The following SPATA20 variants were observed in gnomAD, a reference collection of about 807,000 sequenced individuals.
SPATA20 encodes the protein spermatogenesis-associated protein 20.
A neutral mutation model predicts 98.9 loss-of-function variants in SPATA20; 74 were observed. The observed-to-expected ratio is 0.75, with a 90% CI of 0.62 to 0.91. The LOEUF (loss-of-function observed/expected upper bound fraction) is 0.91, where lower values mean the gene tolerates loss of function less well. Among genes scored for constraint, SPATA20 ranks in the 40% least tolerant of loss-of-function variants. The pLI, the probability that SPATA20 is intolerant of heterozygous loss-of-function variation, is 0.00. For synonymous variants in SPATA20, 430 were observed against 440.5 expected (o/e 0.98, Z 0.30); for missense variants, 1,016 against 1,069.8 (o/e 0.95, Z 0.70).
At chr17:50,549,525 C>T in intron 7 of SPATA20, 38 bp downstream of exon 7, 1 of 1,582,836 alleles carries the variant, frequency 6.3e-7, no homozygotes. Context: ...AGGCTTTGGC[C>T]TTCTGATTCC....
In SPATA20 at chr17:50,550,078, T is replaced by C. The variant is rs143392006; in HGVS notation, c.956T>C (p.Met319Thr). 5.0e-6 allele frequency: 8 copies of C among 1,611,756 alleles called. No homozygotes were observed. The African/African-American group carries it at 1.1e-4, about 22-fold the overall frequency. Residue 319 changes from methionine (M) to threonine (T), a missense_variant, in exon 8 of 17, where the codon ATG becomes ACG. By Grantham distance (81) the Met-to-Thr change is moderately conservative (BLOSUM62 -1). Coordinates refer to ENST00000006658, the MANE Select transcript of SPATA20 (RefSeq NM_022827.4). ...CAGATGGCCTTGCATACCCTGAAAA[T>C]GATGGCTAACGGGGGCATCCGGGAC... ...AQQMALHTLK[M>T]MANGGIRDHV...
chr17:50,551,534 G>T lies in SPATA20; in HGVS notation c.1600G>T (p.Val534Leu). 1 of 1,597,832 alleles carries T rather than the reference G, an allele frequency of 6.3e-7. No homozygotes were observed. Among genetic ancestry groups the T allele is most frequent in the Non-Finnish European group, 8.6e-7 (1 of 1,166,414 alleles). The change falls in exon 13 of 17, where the codon GTG becomes TTG. Residue 534 changes from valine (V) to leucine (L), a missense_variant. By Grantham distance (32) the Val-to-Leu change is conservative. Transcript: ENST00000006658. ...AGGCTTGATGGTGTCAGGCTATGCT[G>T]TGACTGGGGCTGTCCTGGGCCAAGA... Reference protein sequence around the residue: ...WNGLMVSGYAVTGAVLGQDRL... With the variant: ...WNGLMVSGYALTGAVLGQDRL...
Position 50,552,195 on chromosome 17 carries a change from A to G in SPATA20, c.1957+15A>G. 10 of 1,611,782 alleles carry G rather than the reference A, an allele frequency of 6.2e-6. No homozygotes were observed. The highest frequency in any genetic ancestry group is 8.5e-6 in the Non-Finnish European group (10 of 1,178,902). On this transcript the variant is annotated intron_variant, in intron 14 of 16. Transcript: ENST00000006658. The stretch of plus-strand genomic sequence containing the variant: ...TCTGAAGGACGGTCAGTGGGGGTGC[A>G]GGGCTAGTCTGGGGTCCTGGGAGGT...
Position 50,555,490 on chromosome 17 carries a change from A to G in SPATA20, c.2239-2A>G. ...ACTCTCCCTGCTCTGCTGCTGCCCT[A>G]GGTGCTGATTCTGGCTGATGGGGAC... On this transcript the variant is annotated splice_acceptor_variant, in intron 16 of 16. Transcript: ENST00000006658. LOFTEE classifies it high-confidence loss of function. 6.2e-7 allele frequency: 1 copy of G among 1,613,810 alleles called. No individual in the cohort carries two copies. Among genetic ancestry groups the G allele is most frequent in the African/African-American group, 1.3e-5 (1 of 74,976 alleles).
intron 14 of SPATA20, among the ~76,000 whole-genome samples, chr17:50,553,065 G>A (rs762461036): frequency 9.2e-5 from 14 of 152,206 alleles, no homozygotes; most frequent in Non-Finnish European, 1.6e-4. Flanking sequence ...AAAAACACAT[G>A]CACAAATGTG....
rs375707140 is a variant in SPATA20 at position 50,551,698 on chromosome 17, C to A, written c.1745+19C>A. 1 of 1,578,966 alleles carries A rather than the reference C, an allele frequency of 6.3e-7. No homozygotes were observed. The highest frequency in any genetic ancestry group is 8.7e-7 in the Non-Finnish European group (1 of 1,154,260). The stretch of plus-strand genomic sequence containing the variant: ...AGCACAGGTTGGGGGCTGGGTAGAC[C>A]GGGAGGGCCCGTCTCCCCAACGCGT... On this transcript the variant is annotated intron_variant, in intron 13 of 16. Coordinates refer to ENST00000006658, the MANE Select transcript of SPATA20 (RefSeq NM_022827.4).
chr17:50,555,745 C>T lies in SPATA20; in HGVS notation c.*83C>T. On this transcript the variant is annotated 3_prime_UTR_variant, in exon 17 of 17. Coordinates refer to ENST00000006658, the MANE Select transcript of SPATA20 (RefSeq NM_022827.4). The stretch of plus-strand genomic sequence containing the variant: ...TCAGGCCCTGCAGGGCCCTATAGAA[C>T]CTGTGGCCATCCCTGAGCACCCTGC... 1 of 1,311,336 alleles carries T rather than the reference C, an allele frequency of 7.6e-7. No homozygotes were observed. The highest frequency in any genetic ancestry group is 1.0e-6 in the Non-Finnish European group (1 of 957,642). The allele number at this position is 1,311,336 out of a possible 1,614,324, so 81.2% of individuals were successfully genotyped here. A position where few individuals can be genotyped will look rare whatever the true frequency, so the allele number is the denominator to read the frequency against.
In SPATA20 at chr17:50,548,663, G is replaced by A. The variant is rs745513140; in HGVS notation, c.361+45G>A. On this transcript the variant is annotated intron_variant, in intron 4 of 16. Transcript: ENST00000006658. ...TGATGTGGGGGTGTGGGCAGGGAGTGGCAGTGGATGGGGGAGGGTCCTCTC... is the reference window on the plus strand; with the variant it reads ...TGATGTGGGGGTGTGGGCAGGGAGTAGCAGTGGATGGGGGAGGGTCCTCTC... 2.5e-6 allele frequency: 4 copies of A among 1,602,878 alleles called. No homozygotes were observed. In the South Asian group the frequency reaches 4.4e-5, roughly 18 times the overall value.
chr17:50,550,584 T>C lies in SPATA20; in HGVS notation c.1147T>C (p.Tyr383His). ...YSDVAKGILQ[Y>H]VARSLSHRSG... ...TGACGTGGCCAAAGGCATCCTGCAG[T>C]ACGTGGCTCGGAGCCTGAGCCACCG... The change falls in exon 10 of 17, where the codon TAC becomes CAC. Residue 383 changes from tyrosine (Y) to histidine (H), a missense_variant. Coordinates refer to ENST00000006658, the MANE Select transcript of SPATA20 (RefSeq NM_022827.4). The C allele has an allele frequency of 6.2e-7, 1 of 1,614,170 alleles. No individual in the cohort carries two copies. Among genetic ancestry groups the C allele is most frequent in the Non-Finnish European group, 8.5e-7 (1 of 1,180,036 alleles).
intron 15 of SPATA20, 88 bp downstream of exon 15, chr17:50,554,538 T>G (rs2035068009): frequency 1.4e-6 from 2 of 1,380,372 alleles, no homozygotes; most frequent in African/African-American, 2.8e-5. Context: ...GTGGGGTTCC[T>G]GGGCTGTCCC....
intron 9 of SPATA20, 34 bp downstream of exon 9, chr17:50,550,346 C>A (rs372412098): frequency 1.3e-6 from 2 of 1,510,188 alleles, no homozygotes; most frequent in Non-Finnish European, 1.8e-6. Context: ...GAACAGGCAT[C>A]TCACTCTGGC....
In SPATA20 at chr17:50,552,068, G is replaced by C; in HGVS notation, c.1845G>C (p.Trp615Cys). The C allele has an allele frequency of 6.2e-7, 1 of 1,613,940 alleles. No individual in the cohort carries two copies. Among genetic ancestry groups the C allele is most frequent in the Non-Finnish European group, 8.5e-7 (1 of 1,179,998 alleles). ...EASQESAWLE[W>C]ALRLQDTQDK... Reference sequence around the variant, plus strand: ...CACAGGAGAGTGCGTGGCTCGAGTGGGCTCTGCGGCTGCAGGACACACAGG... The same window carrying C: ...CACAGGAGAGTGCGTGGCTCGAGTGCGCTCTGCGGCTGCAGGACACACAGG... The change falls in exon 14 of 17, where the codon TGG (tryptophan) becomes TGC (cysteine). Residue 615 changes from tryptophan (W) to cysteine (C), a missense_variant. By Grantham distance (215) the Trp-to-Cys change is radical (BLOSUM62 -2). Coordinates refer to ENST00000006658, the MANE Select transcript of SPATA20 (RefSeq NM_022827.4).
rs374253806 is a variant in SPATA20, at chr17:50,549,150, C to T, written c.624C>T (p.Val208=). 20 of 1,608,490 alleles carry T rather than the reference C, an allele frequency of 1.2e-5. No individual in the cohort carries two copies. The highest frequency in any genetic ancestry group is 1.1e-4 in the African/African-American group (8 of 74,886). The part of the protein sequence containing the change: ...YFPPEDGLTR[V]GFRTVLLRIR... The stretch of plus-strand genomic sequence containing the variant: ...CTCCTGAGGATGGCTTGACCCGAGT[C>T]GGCTTCCGCACAGTGTTGCTGAGAA... Residue 208 remains valine, a synonymous_variant, in exon 6 of 17, where the codon GTC becomes GTT. Coordinates refer to ENST00000006658, the MANE Select transcript of SPATA20 (RefSeq NM_022827.4).
rs182096575 is a variant in SPATA20, at chr17:50,554,453, G to C, written c.2157+3G>C. The C allele has an allele frequency of 1.9e-6, 3 of 1,609,094 alleles. No individual in the cohort carries two copies. Among genetic ancestry groups the C allele is most frequent in the Non-Finnish European group, 1.7e-6 (2 of 1,179,844 alleles). On this transcript the variant is annotated splice_donor_region_variant and intron_variant, in intron 15 of 16. Coordinates refer to ENST00000006658, the MANE Select transcript of SPATA20 (RefSeq NM_022827.4). Reference sequence around the variant, plus strand: ...CCCAGCAGCAGACCCTCAAGCAGGTGGGGGGTGAGGGCATCTGGGCTGGGA... The same window carrying C: ...CCCAGCAGCAGACCCTCAAGCAGGTCGGGGGTGAGGGCATCTGGGCTGGGA...
chr17:50,551,361 C>T, intron 12 of SPATA20, 150 bp from the exon 13 acceptor site: 3 of 1,204,704 alleles, frequency 2.5e-6, no homozygotes, highest in Non-Finnish European at 3.4e-6. Flanking sequence ...CGCGCAAGGG[C>T]TGGGAACCCC....
chr17:50,547,846 A>T (rs777400376), intron 2 of SPATA20, 79 bp downstream of exon 2: 15 of 939,684 alleles, frequency 1.6e-5, no homozygotes, highest in Middle Eastern at 4.2e-4. Context: ...GACCCTACTG[A>T]TCTTGGCCTG....
rs865783189 is a variant in SPATA20, at chr17:50,548,711, A to G, written c.361+93A>G. On this transcript the variant is annotated intron_variant, in intron 4 of 16. Coordinates refer to ENST00000006658, the MANE Select transcript of SPATA20 (RefSeq NM_022827.4). ...CTCGGCCTGGCGGGTCTTCCAGGAG[A>G]CTAGAGGCCAGGACGTCTTCCATGT... The G allele has an allele frequency of 2.1e-5, 33 of 1,586,696 alleles. No individual in the cohort carries two copies. In the African/African-American group the frequency reaches 3.1e-4, roughly 15 times the overall value.
Position 50,548,861 on chromosome 17 carries a change from A to G in SPATA20, c.413A>G (p.Gln138Arg), listed in dbSNP as rs774593096. The G allele has an allele frequency of 1.2e-6, 2 of 1,614,024 alleles. No homozygotes were observed. The highest frequency in any genetic ancestry group is 4.5e-5 in the East Asian group (2 of 44,900). Residue 138 changes from glutamine (Q) to arginine (R), a missense_variant, in exon 5 of 17, where the codon CAG becomes CGG. Transcript: ENST00000006658. Reference sequence around the variant, plus strand: ...CACATGATGGAAGAGGAGTCCTTCCAGAATGAGGAGATTGGCCGCCTGCTC... The same window carrying G: ...CACATGATGGAAGAGGAGTCCTTCCGGAATGAGGAGATTGGCCGCCTGCTC... ...WCHMMEEESF[Q>R]NEEIGRLLSE... is the part of the protein sequence containing the mutation.
chr17:50,547,219 C>G lies in SPATA20; in HGVS notation c.11C>G (p.Ala4Gly). The change falls in exon 1 of 17, where the codon GCG becomes GGG. Residue 4 changes from alanine to glycine, a missense_variant. By Grantham distance (60) the Ala-to-Gly change is moderately conservative. Transcript: ENST00000006658. MLG[A>G]RAWLGRVLLL... ...CGGCCCCGAGCAGCCATGCTGGGCGCGCGGGCCTGGTTGGGCCGCGTCCTT... is the reference window on the plus strand; with the variant it reads ...CGGCCCCGAGCAGCCATGCTGGGCGGGCGGGCCTGGTTGGGCCGCGTCCTT... 1 of 1,425,000 alleles carries G rather than the reference C, an allele frequency of 7.0e-7. No individual in the cohort carries two copies. The highest frequency in any genetic ancestry group is 9.1e-7 in the Non-Finnish European group (1 of 1,098,244). 88.3% of individuals were successfully genotyped at this position (1,425,000 alleles called of 1,614,324 possible). A position where few individuals can be genotyped will look rare whatever the true frequency, so the allele number is the denominator to read the frequency against.
Sources: gnomAD v4.1 joint callset for allele counts (sites outside exome capture counted in the v4.1 genomes callset) on GRCh38, gnomAD v4.1.1 for gene constraint, MANE v1.5 for transcripts, NCBI Gene and HGNC (gene_info 2026-07-23, HGNC 2026-07-21) for gene names.